SPMIP2: variants seen among roughly 807,000 people sequenced by gnomAD.
SPMIP2 encodes the protein sperm microtubule inner protein 2.
the SPMIP2 span, chr4:158,915,505 C>A: frequency 9.9e-5 from 70 of 706,168 alleles, no homozygotes; most frequent in East Asian, 1.9e-3. Flanking sequence ...CCTGACCCAT[C>A]CTGGGAAGTT....
chr4:158,934,576 C>T, the SPMIP2 span, among the ~76,000 whole-genome samples: 17 of 152,088 alleles, frequency 1.1e-4, no homozygotes, highest in Non-Finnish European at 1.5e-4. Flanking sequence ...AAAATTTATA[C>T]GTGTTAGCCG....
At chr4:159,054,938 G>A in the SPMIP2 span, among the ~76,000 whole-genome samples, 1 of 151,984 alleles carries the variant, frequency 6.6e-6, no homozygotes, top group South Asian at 2.1e-4. Flanking sequence ...GAGCACCCCA[G>A]GCTGAAGCAG....
chr4:158,933,313 T>G, the SPMIP2 span, among the ~76,000 whole-genome samples: 1 of 152,234 alleles, frequency 6.6e-6, no homozygotes, highest in Non-Finnish European at 1.5e-5. Context: ...AAGGTGATTT[T>G]GATGATTTTT....
At chr4:158,944,166 T>C in the SPMIP2 span, among the ~76,000 whole-genome samples, 6 of 152,064 alleles carry the variant, frequency 3.9e-5, no homozygotes, top group Non-Finnish European at 7.4e-5. Context: ...ATTTTCTTCC[T>C]TATCCAAATT....
chr4:158,955,456 G>A, the SPMIP2 span, among the ~76,000 whole-genome samples: 5,456 of 152,252 alleles, frequency 0.036, 100 homozygotes, highest in South Asian at 0.064. Flanking sequence ...CCAGGCTGGA[G>A]TGCAGTTCCA....
chr4:158,905,027 C>G, the SPMIP2 span: 2 of 153,400 alleles, frequency 1.3e-5, no homozygotes, highest in African/African-American at 4.8e-5. Context: ...GATTCCAGGT[C>G]ACAGTTTGCT....
chr4:159,057,786 CAT>C, the SPMIP2 span, among the ~76,000 whole-genome samples: 28,248 of 152,120 alleles, frequency 0.19, 2,653 homozygotes, highest in Admixed American at 0.25. Context: ...ATTTTGAGTA[CAT>C]GATTATAATT....
chr4:158,932,118 G>A, the SPMIP2 span, among the ~76,000 whole-genome samples: 4 of 152,060 alleles, frequency 2.6e-5, no homozygotes, highest in South Asian at 2.1e-4. Context: ...TAGAAATACC[G>A]GGTACAATTT....
chr4:158,910,846 A>G, the SPMIP2 span, among the ~76,000 whole-genome samples: 1 of 152,130 alleles, frequency 6.6e-6, no homozygotes, highest in Non-Finnish European at 1.5e-5. Context: ...GCCAACTCCT[A>G]AAAATAAACA....
the SPMIP2 span, among the ~76,000 whole-genome samples, chr4:158,992,487 T>C: frequency 6.6e-6 from 1 of 152,206 alleles, no homozygotes; most frequent in African/African-American, 2.4e-5. Flanking sequence ...GAGTAGATAT[T>C]TATCTGTCAT....
chr4:159,004,344 G>C, the SPMIP2 span, among the ~76,000 whole-genome samples: 5 of 131,166 alleles, frequency 3.8e-5, no homozygotes, highest in Admixed American at 2.8e-4. Flanking sequence ...AGGCTGGAGT[G>C]CAGTGGTGCG....
At chr4:159,020,203 A>G in the SPMIP2 span, among the ~76,000 whole-genome samples, 1 of 151,958 alleles carries the variant, frequency 6.6e-6, no homozygotes, top group Admixed American at 6.6e-5. Context: ...GTGATTTTCT[A>G]TATGTGCAGG....
chr4:158,909,729 A>T, the SPMIP2 span, among the ~76,000 whole-genome samples: 1 of 151,834 alleles, frequency 6.6e-6, no homozygotes, highest in Non-Finnish European at 1.5e-5. Flanking sequence ...ATGCACCAAC[A>T]CACCCAGCTA....
chr4:158,976,217 A>G, the SPMIP2 span, among the ~76,000 whole-genome samples: 1 of 152,202 alleles, frequency 6.6e-6, no homozygotes, highest in Non-Finnish European at 1.5e-5. Context: ...TAATTATATA[A>G]TCATGTCATC....
chr4:158,915,087 T>A, the SPMIP2 span: 329 of 1,193,636 alleles, frequency 2.8e-4, 1 homozygote, highest in East Asian at 4.8e-3. Context: ...TTATTAGTAT[T>A]ACTATGAGAA....
chr4:158,988,915 G>T, the SPMIP2 span, among the ~76,000 whole-genome samples: 3 of 152,134 alleles, frequency 2.0e-5, no homozygotes, highest in African/African-American at 7.2e-5. Context: ...GAAATAAAGG[G>T]TATTCACATA....
chr4:158,976,659 ATTTTTTTTTTTT>A, the SPMIP2 span, among the ~76,000 whole-genome samples: 3 of 94,732 alleles, frequency 3.2e-5, no homozygotes, highest in African/African-American at 1.4e-4. Context: ...ATGGATAAGC[ATTTTTTTTTTTT>A]TTTTTTTTTT....
the SPMIP2 span, chr4:158,893,138 A>C: frequency 6.6e-6 from 1 of 152,392 alleles, no homozygotes; most frequent in African/African-American, 2.4e-5. Context: ...TTAGTTGTAA[A>C]AGAAAGATAG....
chr4:158,933,714 T>G, the SPMIP2 span, among the ~76,000 whole-genome samples: 1 of 151,566 alleles, frequency 6.6e-6, no homozygotes, highest in African/African-American at 2.4e-5. Context: ...TAATATTATT[T>G]CATCTATATT....
Sources: gnomAD v4.1 joint callset for allele counts (sites outside exome capture counted in the v4.1 genomes callset) on GRCh38, gnomAD v4.1.1 for gene constraint, MANE v1.5 for transcripts, NCBI Gene and HGNC (gene_info 2026-07-23, HGNC 2026-07-21) for gene names.